PRRT4: variants seen among roughly 807,000 people sequenced by gnomAD.
PRRT4 encodes proline-rich transmembrane protein 4.
Under a neutral mutation model 55.6 loss-of-function variants are expected in PRRT4, and 59 were observed. The ratio of observed to expected loss-of-function variants is 1.06; its 90% CI spans 0.86 to 1.32. PRRT4 has a LOEUF of 1.32. PRRT4 is among the 40% of genes most tolerant of loss of function. The probability of loss-of-function intolerance (pLI) is 0.00; values close to 1 mark genes in which losing one functional copy is unlikely to be tolerated. For missense variants in PRRT4, 1,217 were observed against 1,222.0 expected (o/e 1.00, Z 0.06); for synonymous variants, 606 against 601.8 (o/e 1.01, Z -0.10).
At chr7:128,355,854 G>A (rs958048183) in intron 4 of PRRT4, among the ~76,000 whole-genome samples, 1 of 152,304 alleles carries the variant, frequency 6.6e-6, no homozygotes, top group African/African-American at 2.4e-5. Context: ...AGCTGTCAGA[G>A]GTTAGCTCCA....
chr7:128,352,869 G>A (rs1381004642), intron 4 of PRRT4, among the ~76,000 whole-genome samples, 191 bp from the exon 6 acceptor site: 2 of 151,934 alleles, frequency 1.3e-5, no homozygotes, highest in East Asian at 3.9e-4. Context: ...TGTCTTCGCT[G>A]GAGTTTGAGC....
chr7:128,358,822 C>T lies in PRRT4; in HGVS notation c.758-22G>A. 1 of 1,508,812 alleles carries T rather than the reference C, an allele frequency of 6.6e-7. No individual in the cohort carries two copies. Among genetic ancestry groups the T allele is most frequent in the East Asian group, 2.5e-5 (1 of 40,616 alleles). 93.5% of individuals were successfully genotyped at this position (1,508,812 alleles called of 1,614,324 possible). ...AACCCTGCAAAGGGAGCACATGGGGCTCAAGTGCCACCCCACCAACCAGCC... is the reference window on the plus strand; with the variant it reads ...AACCCTGCAAAGGGAGCACATGGGGTTCAAGTGCCACCCCACCAACCAGCC... On this transcript the variant is annotated intron_variant, in intron 3 of 4. Transcript: ENST00000535159. This position sits in a 1 kb window ranked among gnomAD's most constrained non-coding sequence, Gnocchi z 4.4.
At chr7:128,350,489 G>C (rs1486040870), downstream of PRRT4, 5 of 282,406 alleles carry the variant, frequency 1.8e-5, no homozygotes, top group Non-Finnish European at 2.7e-5. Context: ...TGGGTAGGGG[G>C]GCCTGAGGCA....
exon 5 of PRRT4, chr7:128,351,915 G>A: frequency 7.6e-7 from 1 of 1,313,854 alleles, no homozygotes; most frequent in East Asian, 3.1e-5. Flanking sequence ...GAGGGGCGAA[G>A]GGGCTGCGCC....
At chr7:128,352,580 C>T in exon 5 of PRRT4, 1 of 1,544,374 alleles carries the variant, frequency 6.5e-7, no homozygotes, top group Non-Finnish European at 8.7e-7. Context: ...AATTCTCCCA[C>T]GCTGCAGGAC....
At position 128,358,927 on chromosome 7, in the gene PRRT4, C is replaced by T; in HGVS notation, c.758-127G>A. 1 of 1,411,708 alleles carries T rather than the reference C, an allele frequency of 7.1e-7. No individual in the cohort carries two copies. Among genetic ancestry groups the T allele is most frequent in the Non-Finnish European group, 9.4e-7 (1 of 1,065,514 alleles). 87.4% of individuals were successfully genotyped at this position (1,411,708 alleles called of 1,614,324 possible). A position where few individuals can be genotyped will look rare whatever the true frequency, so the allele number is the denominator to read the frequency against. Reference sequence around the variant, plus strand: ...AAGTCACTGTCCCAGGAATTGTAGCCACATGCTAAGCTCATGTACACCATG... The same window carrying T: ...AAGTCACTGTCCCAGGAATTGTAGCTACATGCTAAGCTCATGTACACCATG... On this transcript the variant is annotated intron_variant, in intron 3 of 4. Transcript: ENST00000535159. The surrounding 1 kb of genome is among the most constrained non-coding windows in gnomAD (Gnocchi z 4.4).
intron 4 of PRRT4, among the ~76,000 whole-genome samples, chr7:128,354,329 C>T (rs1001278015): frequency 1.3e-5 from 2 of 152,130 alleles, no homozygotes; most frequent in Non-Finnish European, 2.9e-5. Flanking sequence ...TTTGGGAGGC[C>T]GTGGCGAGCA....
exon 5 of PRRT4, chr7:128,351,151 G>A (rs765088210): frequency 2.5e-5 from 39 of 1,546,690 alleles, no homozygotes; most frequent in Non-Finnish European, 3.0e-5. Context: ...CGAGCCAGAT[G>A]AGACGCTGCT....
intron 1 of PRRT4, among the ~76,000 whole-genome samples, chr7:128,361,103 T>TCACA (rs71160634): frequency 0.014 from 1,116 of 77,500 alleles, 17 homozygotes; most frequent in African/African-American, 0.025. Context: ...TCTCTCTCTC[T>TCACA]CACACACACA....
chr7:128,359,226 A>T, exon 3 of PRRT4: 1 of 1,551,706 alleles, frequency 6.4e-7, no homozygotes, highest in South Asian at 1.2e-5. Context: ...GAAGTTCCGG[A>T]GTGGGGACAG....
chr7:128,360,501 C>A (rs896503398), intron 1 of PRRT4, among the ~76,000 whole-genome samples: 2 of 152,220 alleles, frequency 1.3e-5, no homozygotes, highest in Non-Finnish European at 2.9e-5. Flanking sequence ...CCAACCCCCA[C>A]CTCCCGCCCC....
rs1797162096 is a variant in PRRT4, at chr7:128,358,477, C to T, written c.877+204G>A. On this transcript the variant is annotated intron_variant, in intron 4 of 4. Transcript: ENST00000535159. The surrounding 1 kb of genome is among the most constrained non-coding windows in gnomAD (Gnocchi z 4.4). ...CTCTCATTGCAAAACACTCAGGGGA[C>T]CATTACTTAACTCTGTGTGGGACTT... Among the ~76,000 whole-genome samples the T allele has an allele frequency of 6.6e-6, 1 of 152,120 alleles. No homozygotes were observed. Among genetic ancestry groups the T allele is most frequent in the African/African-American group, 2.4e-5 (1 of 41,394 alleles).
chr7:128,352,709 A>G (rs931001689), intron 4 of PRRT4, 31 bp from the exon 6 acceptor site: 12 of 1,495,840 alleles, frequency 8.0e-6, no homozygotes, highest in African/African-American at 1.4e-5. Context: ...GCTTGAGGCA[A>G]TGATGCAGCC....
At chr7:128,352,027 G>A in exon 5 of PRRT4, 1 of 1,306,854 alleles carries the variant, frequency 7.7e-7, no homozygotes, top group South Asian at 2.0e-5. Context: ...CAGCAGCCCG[G>A]AAAGGAAAGC....
rs375136420 is a variant in PRRT4 at position 128,359,212 on chromosome 7, C to T, written c.694G>A (p.Gly232Ser). 246 of 1,551,724 alleles carry T rather than the reference C, an allele frequency of 1.6e-4. No homozygotes were observed. In the African/African-American group the frequency reaches 3.1e-3, roughly 19 times the overall value. ...GTAGTTTCACCTGGGGGGCTCAGGCCGGAGAAGTTCCGGAGTGGGGACAGA... is the reference window on the plus strand; with the variant it reads ...GTAGTTTCACCTGGGGGGCTCAGGCTGGAGAAGTTCCGGAGTGGGGACAGA... The change falls in exon 3 of 5, where the codon GGC becomes AGC. Residue 232 changes from glycine to serine, a missense_variant. Coordinates refer to ENST00000535159, the Ensembl canonical transcript of PRRT4.
At chr7:128,350,830 CG>C (rs1562964685), downstream of PRRT4, 2 of 1,547,716 alleles carry the variant, frequency 1.3e-6, no homozygotes, top group Non-Finnish European at 1.7e-6. Flanking sequence ...AGGGGCATAT[CG>C]CAGGGTAGCA....
At chr7:128,350,426 G>A (rs1796929896), downstream of PRRT4, 1 of 214,808 alleles carries the variant, frequency 4.7e-6, no homozygotes, top group African/African-American at 2.3e-5. Context: ...GTGTCACATG[G>A]AGGAAAGGGA....
chr7:128,355,819 C>T (rs1371326459), intron 4 of PRRT4, among the ~76,000 whole-genome samples: 1 of 152,232 alleles, frequency 6.6e-6, no homozygotes, highest in Non-Finnish European at 1.5e-5. Context: ...ACCACACCCT[C>T]TTTATTCACT....
downstream of PRRT4, chr7:128,350,822 G>A (rs965208297): frequency 1.1e-5 from 17 of 1,543,108 alleles, no homozygotes; most frequent in South Asian, 1.8e-4. Flanking sequence ...CGCCAGAAAG[G>A]GGCATATCGC....
Sources: gnomAD v4.1 joint callset for allele counts (sites outside exome capture counted in the v4.1 genomes callset) on GRCh38, gnomAD v4.1.1 for gene constraint, Gnocchi (gnomAD v3.1) non-coding constraint, MANE v1.5 for transcripts, NCBI Gene and HGNC (gene_info 2026-07-23, HGNC 2026-07-21) for gene names.